The following CSGALNACT2 variants were observed in gnomAD, a reference collection of about 807,000 sequenced individuals.
CSGALNACT2 encodes the protein beta 4 GalNAcT-2.
In CSGALNACT2, 35 loss-of-function variants were observed where a neutral mutation model predicts 55.3. The ratio of observed to expected loss-of-function variants is 0.63; its 90% CI spans 0.48 to 0.84. The LOEUF is 0.84. Among genes scored for constraint, CSGALNACT2 ranks in the 40% least tolerant of loss-of-function variants. CSGALNACT2 has a pLI of 0.00. For synonymous variants in CSGALNACT2, 196 were observed against 224.9 expected (o/e 0.87, Z 1.15); for missense variants, 544 against 657.5 (o/e 0.83, Z 1.89).
intron 2 of CSGALNACT2, among the ~76,000 whole-genome samples, chr10:43,157,116 A>T (rs1294678995): frequency 6.6e-6 from 1 of 151,784 alleles, no homozygotes; most frequent in Non-Finnish European, 1.5e-5. Flanking sequence ...TTTTTCTCAA[A>T]ACTCTTCTGA....
At chr10:43,171,354 C>A (rs1162132622) in intron 6 of CSGALNACT2, among the ~76,000 whole-genome samples, 1 of 142,186 alleles carries the variant, frequency 7.0e-6, no homozygotes, top group South Asian at 2.3e-4. Context: ...TGCTAATACT[C>A]TTTTTTTTTT....
intron 4 of CSGALNACT2, chr10:43,163,523 G>C: frequency 1.0e-6 from 1 of 985,394 alleles, no homozygotes; most frequent in Non-Finnish European, 1.2e-6. Flanking sequence ...CTTTGTGTGT[G>C]TTATCCATTT....
At position 43,183,263 on chromosome 10, in the gene CSGALNACT2, G is replaced by A. The variant is rs753475567; in HGVS notation, c.1350G>A (p.Met450Ile). The change falls in exon 8 of 8, where the codon ATG becomes ATA. Residue 450 changes from methionine to isoleucine, a missense_variant. By Grantham distance (10) the Met-to-Ile change is conservative. Coordinates refer to ENST00000374466, the MANE Select transcript of CSGALNACT2 (RefSeq NM_018590.5). ...TTGATCTTACAGGTGGATTTGACAT[G>A]GAAGTGAAAGGTTGGGGTGGAGAAG... ...SDFLTIGGFDMEVKGWGGEDV... is the reference protein window; with the variant it reads ...SDFLTIGGFDIEVKGWGGEDV... 1 of 1,612,950 alleles carries A rather than the reference G, an allele frequency of 6.2e-7. No individual in the cohort carries two copies. The highest frequency in any genetic ancestry group is 8.5e-7 in the Non-Finnish European group (1 of 1,178,928).
chr10:43,147,930 G>T (rs1838795954), intron 1 of CSGALNACT2, among the ~76,000 whole-genome samples: 1 of 151,412 alleles, frequency 6.6e-6, no homozygotes, highest in South Asian at 2.1e-4. Context: ...GTTAATATTT[G>T]TTTTGTCTTT....
At chr10:43,159,125 A>G (rs1195859592) in intron 3 of CSGALNACT2, among the ~76,000 whole-genome samples, 194 bp downstream of exon 3, 1 of 152,182 alleles carries the variant, frequency 6.6e-6, no homozygotes, top group Non-Finnish European at 1.5e-5. Context: ...AATTTGAACT[A>G]TGAAATAAAT....
rs866733374 is a variant in CSGALNACT2, at chr10:43,153,266, C to T, written c.-253-1631C>T. Among the ~76,000 whole-genome samples, 13 of 137,612 alleles carry T rather than the reference C, an allele frequency of 9.4e-5. No individual in the cohort carries two copies. The East Asian group carries it at 1.8e-3, about 19-fold the overall frequency. The allele number at this position is 137,612 out of a possible 152,430, so 90.3% of individuals were successfully genotyped here. ...AGGAGAATAGCGCGAACCCAGGAGGCGGAGCTTGCAGCGAGCCAAGATCGC... is the reference window on the plus strand; with the variant it reads ...AGGAGAATAGCGCGAACCCAGGAGGTGGAGCTTGCAGCGAGCCAAGATCGC... On this transcript the variant is annotated intron_variant, in intron 1 of 7. Coordinates refer to ENST00000374466, the MANE Select transcript of CSGALNACT2 (RefSeq NM_018590.5).
chr10:43,165,507 T>TG (rs898339594), intron 5 of CSGALNACT2, among the ~76,000 whole-genome samples: 5 of 151,436 alleles, frequency 3.3e-5, no homozygotes, highest in South Asian at 2.1e-4. Context: ...AACATTGGGG[T>TG]GGGGGGGTGC....
At chr10:43,144,589 A>G (rs1191980207) in intron 1 of CSGALNACT2, among the ~76,000 whole-genome samples, 2 of 152,196 alleles carry the variant, frequency 1.3e-5, no homozygotes, top group Non-Finnish European at 2.9e-5. Context: ...TTGTTTTACA[A>G]ATGCCTTTTT....
intron 4 of CSGALNACT2, chr10:43,163,572 T>C: frequency 1.0e-6 from 1 of 985,388 alleles, no homozygotes; most frequent in Non-Finnish European, 1.2e-6. Context: ...TATTTTTCCA[T>C]TTGTGTATTT....
At chr10:43,152,281 C>G (rs1299010868) in intron 1 of CSGALNACT2, among the ~76,000 whole-genome samples, 1 of 152,054 alleles carries the variant, frequency 6.6e-6, no homozygotes, top group Admixed American at 6.5e-5. Context: ...AAAATGTTTT[C>G]TATAATATTC....
chr10:43,143,307 C>G (rs1838671521), intron 1 of CSGALNACT2, among the ~76,000 whole-genome samples: 1 of 152,142 alleles, frequency 6.6e-6, no homozygotes, highest in Non-Finnish European at 1.5e-5. Context: ...TTAACCTTTC[C>G]TCTATTGATG....
At chr10:43,165,385 G>T (rs1839242543) in intron 5 of CSGALNACT2, among the ~76,000 whole-genome samples, 1 of 151,890 alleles carries the variant, frequency 6.6e-6, no homozygotes, top group Admixed American at 6.6e-5. Context: ...AAAAAAAAAG[G>T]TTAATTATGT....
rs543946156 is a variant in CSGALNACT2 at position 43,158,133 on chromosome 10, A to C, written c.662-582A>C. 9.2e-5 allele frequency among the ~76,000 whole-genome samples: 14 copies of C among 151,652 alleles called. No individual in the cohort carries two copies. The South Asian group carries it at 2.5e-3, about 27-fold the overall frequency. Reference sequence around the variant, plus strand: ...TTAAATCTGTACCAATTTTTCTTTGACTTCACTCTAGTCAGTGATTTTATA... The same window carrying C: ...TTAAATCTGTACCAATTTTTCTTTGCCTTCACTCTAGTCAGTGATTTTATA... On this transcript the variant is annotated intron_variant, in intron 2 of 7. Transcript: ENST00000374466.
chr10:43,141,624 C>CAAAAAAA (rs58889701), intron 1 of CSGALNACT2, among the ~76,000 whole-genome samples: 4 of 68,932 alleles, frequency 5.8e-5, no homozygotes, highest in Non-Finnish European at 7.5e-5. Flanking sequence ...GAAACTGTCT[C>CAAAAAAA]AAAAAAAAAA....
chr10:43,177,973 TATTG>T (rs1449540768), intron 7 of CSGALNACT2, among the ~76,000 whole-genome samples: 2 of 152,232 alleles, frequency 1.3e-5, no homozygotes, highest in African/African-American at 2.4e-5. Flanking sequence ...GTGGATGTGG[TATTG>T]ATTGTGACTC....
intron 2 of CSGALNACT2, 50 bp downstream of exon 2, chr10:43,155,860 A>AGTATTGTATGCTG: frequency 7.0e-7 from 1 of 1,420,952 alleles, no homozygotes; most frequent in Middle Eastern, 1.8e-4. Flanking sequence ...GACAAATGCT[A>AGTATTGTATGCTG]GTATTGTATG....
chr10:43,182,522 G>T (rs1839607134), intron 7 of CSGALNACT2, among the ~76,000 whole-genome samples: 1 of 152,020 alleles, frequency 6.6e-6, no homozygotes, highest in Non-Finnish European at 1.5e-5. Context: ...TCTCCAGCTT[G>T]GCCCTTTCTT....
chr10:43,161,841 G>A (rs1839156190), intron 4 of CSGALNACT2, among the ~76,000 whole-genome samples: 1 of 152,048 alleles, frequency 6.6e-6, no homozygotes, highest in South Asian at 2.1e-4. Context: ...CCTTGCTACT[G>A]CCACCACCCT....
At chr10:43,163,236 C>T (rs1839190327) in intron 4 of CSGALNACT2, 1 of 982,050 alleles carries the variant, frequency 1.0e-6, no homozygotes, top group East Asian at 1.1e-4. Context: ...TTTTTCAGAA[C>T]TGCTGTTCAT....
Sources: allele counts gnomAD v4.1 joint callset (sites outside exome capture counted in the v4.1 genomes callset), GRCh38; gene constraint gnomAD v4.1.1; transcripts MANE v1.5; gene names NCBI Gene and HGNC (gene_info 2026-07-23, HGNC 2026-07-21).